Variants in TNR observed in about 807,000 individuals in gnomAD.
TNR encodes the protein tenascin-R.
TNR carries 45 observed loss-of-function variants against 150.4 expected under a neutral mutation model. That is an observed-to-expected ratio of 0.30 (90% confidence interval 0.24 to 0.38). The LOEUF (loss-of-function observed/expected upper bound fraction) is 0.38. Among genes scored for constraint, TNR ranks in the 10% least tolerant of loss-of-function variants. The pLI is 1.00. For missense variants in TNR, 1,544 were observed against 1,759.1 expected (o/e 0.88, Z 2.19); for synonymous variants, 687 against 678.4 (o/e 1.01, Z -0.20).
intron 1 of TNR, among the ~76,000 whole-genome samples, chr1:175,540,511 T>C (rs1460684017): frequency 1.3e-5 from 2 of 152,212 alleles, no homozygotes; most frequent in Admixed American, 6.5e-5. Flanking sequence ...CTCTCAGCTC[T>C]GTTGCTGTGA....
intron 9 of TNR, among the ~76,000 whole-genome samples, chr1:175,371,082 C>A (rs34526988): frequency 0.66 from 99,189 of 150,070 alleles, 33,238 homozygotes; most frequent in East Asian, 0.81. Context: ...AAAAAAAAAA[C>A]CACATGTATC....
At position 175,567,489 on chromosome 1, in the gene TNR, T is replaced by C. The variant is rs553805395; in HGVS notation, c.-164-39120A>G. 6.6e-5 allele frequency among the ~76,000 whole-genome samples: 10 copies of C among 152,302 alleles called. No individual in the cohort carries two copies. In the East Asian group the frequency reaches 1.4e-3, roughly 21 times the overall value. ...CCCCAAGCAGTCAGGTGATGTGCTA[T>C]TTAGAAAACACCTCAGAGCCAGGGC... On this transcript the variant is annotated intron_variant, in intron 1 of 22. Transcript: ENST00000367674.
At chr1:175,468,942 A>G (rs905053683) in intron 2 of TNR, among the ~76,000 whole-genome samples, 2 of 152,164 alleles carry the variant, frequency 1.3e-5, no homozygotes, top group African/African-American at 2.4e-5. Context: ...TGAAGGCAGA[A>G]GTAGCATCTT....
intron 2 of TNR, among the ~76,000 whole-genome samples, chr1:175,462,314 T>G (rs1246938596): frequency 1.3e-5 from 2 of 152,160 alleles, no homozygotes; most frequent in South Asian, 4.1e-4. Flanking sequence ...AGAAGCAACT[T>G]GAACAATGAA....
chr1:175,376,048 T>C (rs1158243801), intron 9 of TNR, among the ~76,000 whole-genome samples: 2 of 152,014 alleles, frequency 1.3e-5, no homozygotes, highest in Non-Finnish European at 2.9e-5. Context: ...TCTAAGTGAG[T>C]GCTTCTCACT....
At chr1:175,566,660 G>A (rs975946504) in intron 1 of TNR, among the ~76,000 whole-genome samples, 7 of 152,286 alleles carry the variant, frequency 4.6e-5, no homozygotes, top group South Asian at 2.1e-4. Context: ...CAGTCACCAC[G>A]GAGTGTTTGA....
At chr1:175,672,284 AC>A (rs1665727135) in intron 1 of TNR, among the ~76,000 whole-genome samples, 1 of 151,730 alleles carries the variant, frequency 6.6e-6, no homozygotes. Context: ...GCATTCCCCC[AC>A]CCTATCTACC....
At chr1:175,602,252 A>C (rs1261256725) in intron 1 of TNR, among the ~76,000 whole-genome samples, 1 of 150,868 alleles carries the variant, frequency 6.6e-6, no homozygotes, top group African/African-American at 2.4e-5. Flanking sequence ...TGTAATTGTC[A>C]AAAGGACATG....
chr1:175,592,469 C>T (rs76435263), intron 1 of TNR, among the ~76,000 whole-genome samples: 2 of 152,232 alleles, frequency 1.3e-5, no homozygotes, highest in South Asian at 4.1e-4. Flanking sequence ...GGTGACCCAG[C>T]CCCTGCGGGA....
intron 1 of TNR, among the ~76,000 whole-genome samples, chr1:175,559,644 T>G (rs1661338947): frequency 6.6e-6 from 1 of 152,228 alleles, no homozygotes; most frequent in Admixed American, 6.5e-5. Context: ...ATTGTAGGTA[T>G]TCTTACTCAA....
chr1:175,586,999 A>G (rs528781873), intron 1 of TNR, among the ~76,000 whole-genome samples: 1 of 152,358 alleles, frequency 6.6e-6, no homozygotes, highest in South Asian at 2.1e-4. Flanking sequence ...ATAATTTTAT[A>G]TATGGCTCTT....
chr1:175,517,794 C>T (rs1447593588), intron 2 of TNR, among the ~76,000 whole-genome samples: 6 of 152,282 alleles, frequency 3.9e-5, no homozygotes, highest in South Asian at 2.1e-4. Flanking sequence ...ATTTGCTGTG[C>T]GTCTTGCTCA....
At chr1:175,359,946 C>G (rs1651515980) in intron 14 of TNR, among the ~76,000 whole-genome samples, 3 of 152,192 alleles carry the variant, frequency 2.0e-5, no homozygotes. Context: ...AGTTCTCCCC[C>G]AGTCGCCCCC....
intron 20 of TNR, among the ~76,000 whole-genome samples, chr1:175,334,202 A>C (rs1281555200): frequency 1.3e-5 from 2 of 152,202 alleles, no homozygotes; most frequent in African/African-American, 4.8e-5. Flanking sequence ...GAGAAATCTA[A>C]CATGGCTGAT....
chr1:175,584,428 C>A (rs1378161276), intron 1 of TNR, among the ~76,000 whole-genome samples: 1 of 152,156 alleles, frequency 6.6e-6, no homozygotes, highest in Non-Finnish European at 1.5e-5. Flanking sequence ...CCTGCTGACA[C>A]CCTGATTCTG....
intron 22 of TNR, 50 bp downstream of exon 22, chr1:175,324,306 C>T (rs374931562): frequency 1.3e-4 from 213 of 1,578,332 alleles, no homozygotes; most frequent in Middle Eastern, 2.1e-4. Context: ...TAAGGGAGCA[C>T]GGATTCCACA....
intron 1 of TNR, among the ~76,000 whole-genome samples, chr1:175,651,948 A>C (rs887607847): frequency 6.6e-6 from 1 of 151,302 alleles, no homozygotes; most frequent in Admixed American, 6.6e-5. Context: ...TGAAATAAGA[A>C]TAATTATATT....
chr1:175,416,779 C>T (rs1229979870), intron 2 of TNR, among the ~76,000 whole-genome samples: 1 of 152,070 alleles, frequency 6.6e-6, no homozygotes, highest in Non-Finnish European at 1.5e-5. Flanking sequence ...GAGGCCAAGA[C>T]GGGCGGATCA....
intron 17 of TNR, among the ~76,000 whole-genome samples, chr1:175,354,786 G>T (rs368039407): frequency 2.0e-5 from 3 of 152,204 alleles, no homozygotes; most frequent in African/African-American, 7.2e-5. Flanking sequence ...GAAGTCTTCA[G>T]ATTGCACTGT....
Sources: allele counts gnomAD v4.1 joint callset (sites outside exome capture counted in the v4.1 genomes callset), GRCh38; gene constraint gnomAD v4.1.1; transcripts MANE v1.5; gene names NCBI Gene and HGNC (gene_info 2026-07-23, HGNC 2026-07-21).